Variants in EDN1 observed in about 807,000 individuals in gnomAD.
EDN1 encodes the protein endothelin-1.
A neutral mutation model predicts 21.7 loss-of-function variants in EDN1; 11 were observed. The observed-to-expected ratio is 0.51, with a 90% confidence interval of 0.32 to 0.84. The LOEUF is 0.84. EDN1 is among the 40% of genes least tolerant of loss of function. The probability of loss-of-function intolerance (pLI) is 0.03; values close to 1 mark genes in which losing one functional copy is unlikely to be tolerated. For synonymous variants in EDN1, 85 were observed against 90.6 expected (o/e 0.94, Z 0.35); for missense variants, 244 against 262.3 (o/e 0.93, Z 0.48).
the EDN1 span, among the ~76,000 whole-genome samples, chr6:12,242,528 T>C: frequency 6.6e-6 from 1 of 152,168 alleles, no homozygotes; most frequent in African/African-American, 2.4e-5. Flanking sequence ...GGACCTACCT[T>C]ATAAGGTTGC....
chr6:12,236,267 A>G, the EDN1 span, among the ~76,000 whole-genome samples: 5 of 149,966 alleles, frequency 3.3e-5, no homozygotes, highest in Admixed American at 2.0e-4. Flanking sequence ...CCAGTGAATG[A>G]GTAATTTTGA....
chr6:12,242,259 C>T, the EDN1 span, among the ~76,000 whole-genome samples: 22 of 152,142 alleles, frequency 1.4e-4, no homozygotes, highest in Non-Finnish European at 2.5e-4. Context: ...TAATTTCTAA[C>T]GCAGGGAATG....
chr6:12,231,438 C>T, the EDN1 span, among the ~76,000 whole-genome samples: 1 of 152,170 alleles, frequency 6.6e-6, no homozygotes, highest in Non-Finnish European at 1.5e-5. Flanking sequence ...ATTCAAGACA[C>T]GTTTTATTGT....
chr6:12,263,163 T>G, the EDN1 span, among the ~76,000 whole-genome samples: 1 of 152,148 alleles, frequency 6.6e-6, no homozygotes, highest in Non-Finnish European at 1.5e-5. Flanking sequence ...TAAAAGAAAA[T>G]GTATTGAATA....
the EDN1 span, among the ~76,000 whole-genome samples, chr6:12,237,935 C>T: frequency 5.9e-5 from 9 of 151,906 alleles, no homozygotes; most frequent in South Asian, 6.2e-4. Flanking sequence ...TTTGGGAGGC[C>T]GAGGTGGGAG....
chr6:12,263,996 G>GA, the EDN1 span, among the ~76,000 whole-genome samples: 2,327 of 152,240 alleles, frequency 0.015, 52 homozygotes, highest in African/African-American at 0.051. Flanking sequence ...TTTCCATTGA[G>GA]AAAAAAATTT....
At chr6:12,247,211 T>C in the EDN1 span, among the ~76,000 whole-genome samples, 2 of 152,178 alleles carry the variant, frequency 1.3e-5, no homozygotes, top group African/African-American at 4.8e-5. Flanking sequence ...AGCATCTACT[T>C]GGTTTCTGTG....
chr6:12,270,889 CATT>C, the EDN1 span, among the ~76,000 whole-genome samples: 1 of 152,190 alleles, frequency 6.6e-6, no homozygotes. Flanking sequence ...CCTCTACTAT[CATT>C]GTATTGAGGT....
chr6:12,269,772 T>A, the EDN1 span, among the ~76,000 whole-genome samples: 2 of 152,068 alleles, frequency 1.3e-5, no homozygotes, highest in African/African-American at 4.8e-5. Context: ...AGTTTCTTTT[T>A]TTGGTTATGT....
chr6:12,246,157 C>T, the EDN1 span, among the ~76,000 whole-genome samples: 1 of 152,226 alleles, frequency 6.6e-6, no homozygotes, highest in Middle Eastern at 3.4e-3. Flanking sequence ...CCATCATGTC[C>T]TCCTCTGCCC....
chr6:12,272,851 T>C, the EDN1 span, among the ~76,000 whole-genome samples: 1 of 152,114 alleles, frequency 6.6e-6, no homozygotes, highest in Admixed American at 6.5e-5. Context: ...AAACTCAAAA[T>C]GGAATGTCAG....
At chr6:12,246,063 G>A in the EDN1 span, among the ~76,000 whole-genome samples, 5 of 152,218 alleles carry the variant, frequency 3.3e-5, no homozygotes. Context: ...CCTCTATGGT[G>A]TGTAGAGAAG....
chr6:12,292,698 G>C (rs995274211), intron 2 of EDN1, among the ~76,000 whole-genome samples, 189 bp downstream of exon 2: 1 of 152,176 alleles, frequency 6.6e-6, no homozygotes, highest in Non-Finnish European at 1.5e-5. Flanking sequence ...ACCAAGGGGA[G>C]GGTCTTCTGA....
intron 1 of EDN1, among the ~76,000 whole-genome samples, chr6:12,292,087 G>A (rs746586107): frequency 6.6e-6 from 1 of 152,234 alleles, no homozygotes; most frequent in African/African-American, 2.4e-5. Context: ...CCCTTTTCAG[G>A]TGTTTATCTC....
chr6:12,238,870 C>T, the EDN1 span, among the ~76,000 whole-genome samples: 11 of 152,142 alleles, frequency 7.2e-5, no homozygotes, highest in African/African-American at 1.7e-4. Flanking sequence ...GAGAACCATA[C>T]GGTAGATTAT....
Position 12,292,453 on chromosome 6 carries a change from G to A in EDN1, c.177G>A (p.Met59Ile). The A allele has an allele frequency of 3.1e-6, 5 of 1,614,232 alleles. No homozygotes were observed. The highest frequency in any genetic ancestry group is 4.2e-6 in the Non-Finnish European group (5 of 1,180,046). Reference sequence around the variant, plus strand: ...AGCGCTGCTCCTGCTCGTCCCTGATGGATAAAGAGTGTGTCTACTTCTGCC... The same window carrying A: ...AGCGCTGCTCCTGCTCGTCCCTGATAGATAAAGAGTGTGTCTACTTCTGCC... ...RSKRCSCSSLMDKECVYFCHL... is the reference protein window; with the variant it reads ...RSKRCSCSSLIDKECVYFCHL... The change falls in exon 2 of 5, where the codon ATG (methionine) becomes ATA (isoleucine). Residue 59 changes from methionine to isoleucine, a missense_variant. Coordinates refer to ENST00000379375, the MANE Select transcript of EDN1 (RefSeq NM_001955.5).
At chr6:12,286,809 G>C (rs1177207774), upstream of EDN1, among the ~76,000 whole-genome samples, 4 of 152,144 alleles carry the variant, frequency 2.6e-5, no homozygotes, top group African/African-American at 9.7e-5. Context: ...CAGCATTCAA[G>C]TGTAGCCTCA....
the EDN1 span, among the ~76,000 whole-genome samples, chr6:12,231,427 C>G: frequency 6.6e-6 from 1 of 152,198 alleles, no homozygotes; most frequent in East Asian, 1.9e-4. Flanking sequence ...GAGTGAAATC[C>G]ATTCAAGACA....
At chr6:12,260,639 G>A in the EDN1 span, among the ~76,000 whole-genome samples, 14 of 152,158 alleles carry the variant, frequency 9.2e-5, no homozygotes, top group African/African-American at 3.1e-4. Context: ...TGTTCCCTGC[G>A]AAACTCACTA....
Sources: allele counts gnomAD v4.1 joint callset (sites outside exome capture counted in the v4.1 genomes callset), GRCh38; gene constraint gnomAD v4.1.1; transcripts MANE v1.5; gene names NCBI Gene and HGNC (gene_info 2026-07-23, HGNC 2026-07-21).